JAKMIP2: variants seen among roughly 807,000 people sequenced by gnomAD.
JAKMIP2 encodes janus kinase and microtubule interacting protein 2.
A neutral mutation model predicts 115.0 loss-of-function variants in JAKMIP2; 25 were observed. That is an observed-to-expected ratio of 0.22 (90% CI 0.16 to 0.30). JAKMIP2 has a LOEUF of 0.30. Ranked by LOEUF, JAKMIP2 falls within the 10% of genes least tolerant of loss-of-function variation. The probability of loss-of-function intolerance (pLI) is 1.00; values close to 1 mark genes in which losing one functional copy is unlikely to be tolerated. For missense variants in JAKMIP2, 642 were observed against 957.6 expected, an observed-to-expected ratio of 0.67 and a Z score of 4.35; for synonymous variants, 334 against 343.6, an observed-to-expected ratio of 0.97 and a Z score of 0.31.
intron 1 of JAKMIP2, among the ~76,000 whole-genome samples, chr5:147,717,806 AC>A (rs1453885224): frequency 3.5e-5 from 4 of 114,702 alleles, no homozygotes; most frequent in African/African-American, 1.4e-4. Flanking sequence ...GGACAATTTG[AC>A]TTCCTCTTTT....
At chr5:147,610,713 G>C (rs1417534437) in intron 20 of JAKMIP2, among the ~76,000 whole-genome samples, 1 of 152,210 alleles carries the variant, frequency 6.6e-6, no homozygotes, top group Non-Finnish European at 1.5e-5. Context: ...TGAGCGCTAT[G>C]CTGGGAGATC....
At chr5:147,725,238 C>T (rs1313512330) in intron 1 of JAKMIP2, among the ~76,000 whole-genome samples, 1 of 152,112 alleles carries the variant, frequency 6.6e-6, no homozygotes, top group Non-Finnish European at 1.5e-5. Context: ...CCGGGAACTG[C>T]CCACCCCTTT....
intron 1 of JAKMIP2, among the ~76,000 whole-genome samples, chr5:147,754,586 C>T (rs1443582527): frequency 6.6e-6 from 1 of 152,054 alleles, no homozygotes; most frequent in African/African-American, 2.4e-5. Flanking sequence ...TTTCAGAATT[C>T]AAGTCATAAG....
Position 147,635,591 on chromosome 5 carries a change from T to G in JAKMIP2, c.1677+631A>C, listed in dbSNP as rs141874520. Reference sequence around the variant, plus strand: ...GTTTTGTTTTTTGGAGATGGGGTTTTGCTCTTGTTGCCCGGGCTGGAGTGC... The same window carrying G: ...GTTTTGTTTTTTGGAGATGGGGTTTGGCTCTTGTTGCCCGGGCTGGAGTGC... On this transcript the variant is annotated intron_variant, in intron 12 of 21. Transcript: ENST00000616793. Among the ~76,000 whole-genome samples the G allele has an allele frequency of 7.6e-3, 1,152 of 152,326 alleles. 10 individuals carry two copies. Among genetic ancestry groups the G allele is most frequent in the African/African-American group, 0.025 (1,059 of 41,574 alleles).
intron 1 of JAKMIP2, among the ~76,000 whole-genome samples, chr5:147,732,747 T>C (rs1753782383): frequency 6.6e-6 from 1 of 152,200 alleles, no homozygotes; most frequent in Admixed American, 6.5e-5. Context: ...AACTAAGCCT[T>C]AGAAAGGTTA....
At chr5:147,604,083 A>T (rs1304301020) in intron 20 of JAKMIP2, among the ~76,000 whole-genome samples, 1 of 152,154 alleles carries the variant, frequency 6.6e-6, no homozygotes, top group Non-Finnish European at 1.5e-5. Flanking sequence ...CAAGTGTGGA[A>T]AATGGAAGAT....
intron 21 of JAKMIP2, among the ~76,000 whole-genome samples, chr5:147,592,861 C>T (rs986406407): frequency 6.6e-6 from 1 of 152,212 alleles, no homozygotes; most frequent in Non-Finnish European, 1.5e-5. Context: ...CCAGGGGCAA[C>T]TTAAAGATCC....
chr5:147,686,778 T>C (rs889906275), intron 1 of JAKMIP2, among the ~76,000 whole-genome samples: 2 of 152,226 alleles, frequency 1.3e-5, no homozygotes, highest in Non-Finnish European at 2.9e-5. Flanking sequence ...TGTATTTATA[T>C]ACTTAAAAAT....
At chr5:147,682,919 G>A (rs933955552) in intron 1 of JAKMIP2, among the ~76,000 whole-genome samples, 1 of 152,106 alleles carries the variant, frequency 6.6e-6, no homozygotes, top group African/African-American at 2.4e-5. Context: ...ATCTTGTATT[G>A]TACTCTTTTG....
chr5:147,663,920 C>T (rs1026516316), intron 2 of JAKMIP2, among the ~76,000 whole-genome samples: 1 of 152,090 alleles, frequency 6.6e-6, no homozygotes, highest in Non-Finnish European at 1.5e-5. Context: ...CCGCTAGTTA[C>T]CATACTGCAA....
chr5:147,702,646 AAGAAAG>A (rs1235792535), intron 1 of JAKMIP2, among the ~76,000 whole-genome samples: 1 of 133,566 alleles, frequency 7.5e-6, no homozygotes, highest in Non-Finnish European at 1.6e-5. Flanking sequence ...GAAAGAAAGA[AAGAAAG>A]AAAGAAAGAA....
At chr5:147,595,473 G>T in intron 21 of JAKMIP2, 2 of 456,440 alleles carry the variant, frequency 4.4e-6, no homozygotes, top group South Asian at 3.1e-5. Context: ...CTTGGAAGTA[G>T]ACACCAGGCC....
intron 15 of JAKMIP2, 69 bp from the exon 16 acceptor site, chr5:147,628,885 G>A (rs1382861073): frequency 5.4e-6 from 6 of 1,104,018 alleles, no homozygotes; most frequent in African/African-American, 3.1e-5. Flanking sequence ...AATACTGTCT[G>A]ACTGACTGCT....
At chr5:147,736,364 G>A (rs538509853) in intron 1 of JAKMIP2, among the ~76,000 whole-genome samples, 30 of 152,116 alleles carry the variant, frequency 2.0e-4, no homozygotes, top group African/African-American at 6.5e-4. Context: ...GAGAGGCTGA[G>A]GTAAAACTGC....
chr5:147,654,120 A>G (rs1394714609), intron 3 of JAKMIP2, among the ~76,000 whole-genome samples: 1 of 138,412 alleles, frequency 7.2e-6, no homozygotes, highest in Non-Finnish European at 1.5e-5. Context: ...GTAGCCTTGT[A>G]GTAGAGTTTG....
chr5:147,729,650 TG>T (rs960934440), intron 1 of JAKMIP2, among the ~76,000 whole-genome samples: 4 of 151,808 alleles, frequency 2.6e-5, no homozygotes, highest in African/African-American at 9.7e-5. Flanking sequence ...GGCGGGCGCC[TG>T]TAGTCCCAGC....
At chr5:147,639,120 C>T (rs750372463) in intron 10 of JAKMIP2, among the ~76,000 whole-genome samples, 19 of 152,132 alleles carry the variant, frequency 1.2e-4, no homozygotes, top group Admixed American at 7.9e-4. Flanking sequence ...ACTATTTGTG[C>T]TATTTGGGGC....
At chr5:147,710,403 A>G (rs1549912) in intron 1 of JAKMIP2, among the ~76,000 whole-genome samples, 1 of 152,160 alleles carries the variant, frequency 6.6e-6, no homozygotes, top group Non-Finnish European at 1.5e-5. Flanking sequence ...ATCAGGAGGT[A>G]TAAATTTTAT....
chr5:147,687,797 T>C (rs964657370), intron 1 of JAKMIP2, among the ~76,000 whole-genome samples: 1 of 152,214 alleles, frequency 6.6e-6, no homozygotes, highest in African/African-American at 2.4e-5. Context: ...TCTTTCTACA[T>C]GCCAAGCACA....
Sources: allele counts gnomAD v4.1 joint callset (sites outside exome capture counted in the v4.1 genomes callset), GRCh38; gene constraint gnomAD v4.1.1; transcripts MANE v1.5; gene names NCBI Gene and HGNC (gene_info 2026-07-23, HGNC 2026-07-21).